Variants in PCTP observed in about 807,000 individuals in gnomAD.
PCTP encodes START domain-containing protein 2.
A neutral mutation model predicts 31.0 loss-of-function variants in PCTP; 27 were observed. The ratio of observed to expected loss-of-function variants is 0.87; its 90% CI spans 0.64 to 1.20. The LOEUF is 1.20. PCTP is among the 50% of genes most tolerant of loss of function. PCTP has a pLI of 0.00. For missense variants in PCTP, 287 were observed against 268.2 expected, an observed-to-expected ratio of 1.07 and a Z score of -0.49; for synonymous variants, 108 against 101.2, an observed-to-expected ratio of 1.07 and a Z score of -0.40.
chr17:55,816,786 T>C (rs2145055701), intron 3 of PCTP, among the ~76,000 whole-genome samples: 1 of 152,314 alleles, frequency 6.6e-6, no homozygotes, highest in South Asian at 2.1e-4. Flanking sequence ...AACACTAAAA[T>C]GCACTAAAGA....
At chr17:55,755,830 G>A (rs1159923211) in intron 1 of PCTP, among the ~76,000 whole-genome samples, 1 of 152,142 alleles carries the variant, frequency 6.6e-6, no homozygotes, top group Non-Finnish European at 1.5e-5. Context: ...AAAGAGATGT[G>A]GAAGATAGGC....
chr17:55,845,085 CAAAAAAAAAAAA>C (rs891404386), downstream of PCTP, among the ~76,000 whole-genome samples: 17 of 32,526 alleles, frequency 5.2e-4, no homozygotes, highest in South Asian at 2.5e-3. Flanking sequence ...AAAACTCCAT[CAAAAAAAAAAAA>C]AAAAAAAAAA....
At chr17:55,809,262 AT>A (rs1394300858) in intron 3 of PCTP, among the ~76,000 whole-genome samples, 1 of 152,186 alleles carries the variant, frequency 6.6e-6, no homozygotes, top group Non-Finnish European at 1.5e-5. Context: ...CTCTTTATAA[AT>A]TTAGATTGAG....
chr17:55,795,149 A>G (rs557934532), intron 3 of PCTP, among the ~76,000 whole-genome samples: 1 of 152,016 alleles, frequency 6.6e-6, no homozygotes, highest in Non-Finnish European at 1.5e-5. Context: ...CCCTGCCATC[A>G]GTTTTATTAA....
chr17:55,809,240 A>C (rs371165445), intron 3 of PCTP, among the ~76,000 whole-genome samples: 1 of 152,194 alleles, frequency 6.6e-6, no homozygotes, highest in Non-Finnish European at 1.5e-5. Context: ...CAAACAAAAA[A>C]CAAAACACAA....
chr17:55,851,432 C>T, the PCTP span, among the ~76,000 whole-genome samples: 30 of 152,174 alleles, frequency 2.0e-4, no homozygotes, highest in Admixed American at 6.5e-5. Flanking sequence ...TCAGCTAGCA[C>T]GTTGAATTGG....
intron 2 of PCTP, chr17:55,769,101 C>T (rs1474755779): frequency 6.6e-6 from 1 of 152,200 alleles, no homozygotes; most frequent in African/African-American, 2.4e-5. Context: ...TCTGTGTTGA[C>T]CTAATTCCTA....
chr17:55,783,073 A>G (rs1051729400), intron 2 of PCTP, among the ~76,000 whole-genome samples: 1 of 150,356 alleles, frequency 6.7e-6, no homozygotes, highest in East Asian at 1.9e-4. Context: ...GATAGGTCCA[A>G]AAAAAAATGT....
At chr17:55,846,297 G>T (rs1437517814), downstream of PCTP, among the ~76,000 whole-genome samples, 1 of 152,074 alleles carries the variant, frequency 6.6e-6, no homozygotes, top group Non-Finnish European at 1.5e-5. Context: ...ACTGCACTTT[G>T]TCCTGTGTCA....
chr17:55,821,619 C>T (rs1171407265), intron 3 of PCTP, among the ~76,000 whole-genome samples: 1 of 152,180 alleles, frequency 6.6e-6, no homozygotes, highest in African/African-American at 2.4e-5. Context: ...ACTATGTAAT[C>T]TTACCTAAGT....
At chr17:55,850,476 G>C in the PCTP span, among the ~76,000 whole-genome samples, 5 of 152,122 alleles carry the variant, frequency 3.3e-5, no homozygotes, top group Non-Finnish European at 7.4e-5. Context: ...AATTGGGTTA[G>C]GACATTTGTA....
chr17:55,770,926 T>G, intron 2 of PCTP, 180 bp from the exon 3 acceptor site: 2 of 505,750 alleles, frequency 4.0e-6, no homozygotes, highest in South Asian at 2.7e-5. Flanking sequence ...AGAGATGGGG[T>G]TTCACCATAT....
Position 55,767,765 on chromosome 17 carries a change from CT to C in PCTP, c.259+333del, listed in dbSNP as rs10634278. Among the ~76,000 whole-genome samples the C allele has an allele frequency of 8.2e-3, 847 of 103,466 alleles. 10 individuals carry two copies. The highest frequency in any genetic ancestry group is 0.035 in the Admixed American group (306 of 8,630). The allele number at this position is 103,466 out of a possible 152,430, so 67.9% of individuals were successfully genotyped here. A position where few individuals can be genotyped will look rare whatever the true frequency, so the allele number is the denominator to read the frequency against. ...CAGGCATGAGCCGCTGCACCCAGTG[CT>C]TTTTTTTTTTTTTTTTTTTGATCAT... On this transcript the variant is annotated intron_variant, in intron 2 of 5. Coordinates refer to ENST00000268896, the MANE Select transcript of PCTP (RefSeq NM_021213.4).
intron 5 of PCTP, among the ~76,000 whole-genome samples, chr17:55,828,274 G>A (rs775492836): frequency 2.0e-5 from 3 of 152,186 alleles, no homozygotes; most frequent in Non-Finnish European, 4.4e-5. Context: ...CAACAACAAT[G>A]TGTTCTCTCA....
chr17:55,781,900 A>G (rs1253857119), downstream of PCTP, among the ~76,000 whole-genome samples: 3 of 151,082 alleles, frequency 2.0e-5, no homozygotes, highest in Admixed American at 1.3e-4. Flanking sequence ...TTCTGTTGTT[A>G]AACAGCACCT....
At chr17:55,791,266 C>T (rs1389224523) in intron 3 of PCTP, among the ~76,000 whole-genome samples, 1 of 151,964 alleles carries the variant, frequency 6.6e-6, no homozygotes, top group African/African-American at 2.4e-5. Flanking sequence ...ATGTCTAAAA[C>T]ACCAACAGCA....
the PCTP span, among the ~76,000 whole-genome samples, chr17:55,850,337 A>C: frequency 6.6e-6 from 1 of 152,332 alleles, no homozygotes; most frequent in Middle Eastern, 3.4e-3. Flanking sequence ...GATTATACAA[A>C]TACCTAAAAG....
Position 55,751,223 on chromosome 17 carries a change from C to A in PCTP, c.120C>A (p.Ser40Arg). The change falls in exon 1 of 6, where the codon AGC becomes AGA. Residue 40 changes from serine to arginine, a missense_variant. By Grantham distance (110) the Ser-to-Arg change is moderately radical. Transcript: ENST00000268896. ...WQLLVETSGI[S>R]IYRLLDKKTG... ...TCCTAGTGGAGACCTCGGGCATCAG[C>A]ATCTACCGGCTGCTGGACAAGGTAG... 6.5e-7 allele frequency: 1 copy of A among 1,545,152 alleles called. No individual in the cohort carries two copies. The highest frequency in any genetic ancestry group is 2.0e-5 in the Admixed American group (1 of 50,112).
intron 5 of PCTP, among the ~76,000 whole-genome samples, chr17:55,840,597 G>A (rs370249880): frequency 8.5e-5 from 13 of 152,142 alleles, no homozygotes; most frequent in East Asian, 7.7e-4. Context: ...GAGAGACAGC[G>A]CAAGAGTGAG....
Sources: allele counts gnomAD v4.1 joint callset (sites outside exome capture counted in the v4.1 genomes callset), GRCh38; gene constraint gnomAD v4.1.1; transcripts MANE v1.5; gene names NCBI Gene and HGNC (gene_info 2026-07-23, HGNC 2026-07-21).